Variants in DPY19L1 observed in about 807,000 individuals in gnomAD.
The protein encoded by DPY19L1 is dpy-19 like C-mannosyltransferase 1, also known as protein C-mannosyl-transferase DPY19L1.
In DPY19L1, 35 loss-of-function variants were observed where a neutral mutation model predicts 96.9. The ratio of observed to expected loss-of-function variants is 0.36; its 90% confidence interval spans 0.28 to 0.48. The LOEUF (loss-of-function observed/expected upper bound fraction) is 0.48, where lower values mean the gene tolerates loss of function less well. DPY19L1 is among the 20% of genes least tolerant of loss of function. The pLI is 0.99. For synonymous variants in DPY19L1, 205 were observed against 252.6 expected (o/e 0.81, Z 1.79); for missense variants, 521 against 777.9 (o/e 0.67, Z 3.93).
At chr7:35,010,940 T>C (rs927813239) in intron 5 of DPY19L1, among the ~76,000 whole-genome samples, 6 of 152,180 alleles carry the variant, frequency 3.9e-5, no homozygotes, top group African/African-American at 7.2e-5. Context: ...TCAGCTGCCA[T>C]AGGAAAAGCC....
intron 7 of DPY19L1, among the ~76,000 whole-genome samples, chr7:34,976,971 T>G (rs1784844182): frequency 6.6e-6 from 1 of 152,100 alleles, no homozygotes; most frequent in Non-Finnish European, 1.5e-5. Flanking sequence ...GTATTTTTAA[T>G]AGAGAAAGGG....
chr7:34,959,896 TAA>T (rs1276027845), intron 10 of DPY19L1, among the ~76,000 whole-genome samples: 2 of 27,586 alleles, frequency 7.3e-5, no homozygotes, highest in African/African-American at 2.8e-4. Context: ...TATTTGTATA[TAA>T]ATATATATAT....
chr7:34,943,864 G>A (rs112321697), intron 16 of DPY19L1, among the ~76,000 whole-genome samples: 29 of 152,016 alleles, frequency 1.9e-4, no homozygotes, highest in African/African-American at 4.3e-4. Context: ...GAAAAATTTC[G>A]GCATTGTAAA....
Position 34,954,702 on chromosome 7 carries a change from T to C in DPY19L1, c.1316A>G (p.Asp439Gly), listed in dbSNP as rs1210425114. The change falls in exon 13 of 22, where the codon GAT becomes GGT. Residue 439 changes from aspartate (D) to glycine (G), a missense_variant. Coordinates refer to ENST00000638088, the MANE Select transcript of DPY19L1 (RefSeq NM_001366673.1). ...YLTSKIFGIA[D>G]DAHIGNLLTS... ...TTAAGTAAAAAATGCACTTACGTCA[T>C]CTGCAATACCAAAAATTTTAGATGT... 3 of 1,538,852 alleles carry C rather than the reference T, an allele frequency of 1.9e-6. No homozygotes were observed. Among genetic ancestry groups the C allele is most frequent in the African/African-American group, 1.4e-5 (1 of 73,046 alleles).
chr7:34,935,076 T>A (rs1432852688), intron 21 of DPY19L1, among the ~76,000 whole-genome samples: 1 of 152,234 alleles, frequency 6.6e-6, no homozygotes, highest in Non-Finnish European at 1.5e-5. Context: ...ATGGAACACC[T>A]ATGATCATAT....
chr7:34,956,772 G>A (rs1317364246), intron 11 of DPY19L1, among the ~76,000 whole-genome samples: 1 of 152,002 alleles, frequency 6.6e-6, no homozygotes, highest in African/African-American at 2.4e-5. Flanking sequence ...CAAAGTGCTG[G>A]GATTAGAGGC....
intron 16 of DPY19L1, among the ~76,000 whole-genome samples, chr7:34,943,987 G>A (rs923787771): frequency 2.4e-4 from 36 of 152,240 alleles, no homozygotes; most frequent in African/African-American, 8.2e-4. Context: ...ATTCTCTCAG[G>A]AGTATGTGCA....
At chr7:34,966,997 T>C (rs1562809817) in intron 9 of DPY19L1, 26 bp from the exon 10 acceptor site, 3 of 1,462,386 alleles carry the variant, frequency 2.1e-6, no homozygotes, top group Non-Finnish European at 9.2e-7. Context: ...AAATTAGAAG[T>C]AAAAAAGATA....
intron 4 of DPY19L1, among the ~76,000 whole-genome samples, chr7:35,011,766 T>C (rs1785717800): frequency 1.3e-5 from 2 of 152,250 alleles, no homozygotes; most frequent in African/African-American, 2.4e-5. Flanking sequence ...CTGGGTCTAC[T>C]GGAATAGACC....
rs1311638555 is a variant in DPY19L1, at chr7:34,929,565, T to A, written c.*2008A>T. ...GAAATTACTGGGGGTGAGAAAAATA[T>A]AAAATAAATGTAAAAGTATAATTTT... is the stretch of plus-strand genomic sequence containing the variant. On this transcript the variant is annotated 3_prime_UTR_variant, in exon 22 of 22. Coordinates refer to ENST00000638088, the MANE Select transcript of DPY19L1 (RefSeq NM_001366673.1). 1 of 152,188 alleles carries A rather than the reference T, an allele frequency of 6.6e-6. No individual in the cohort carries two copies. The highest frequency in any genetic ancestry group is 2.4e-5 in the African/African-American group (1 of 41,450). 9.4% of individuals were successfully genotyped at this position (152,188 alleles called of 1,614,324 possible).
intron 7 of DPY19L1, among the ~76,000 whole-genome samples, chr7:34,982,075 G>T (rs2128670466): frequency 6.6e-6 from 1 of 152,238 alleles, no homozygotes; most frequent in East Asian, 1.9e-4. Context: ...TTAATGCCAT[G>T]AAAAAACAAA....
At position 34,938,005 on chromosome 7, in the gene DPY19L1, T is replaced by A. The variant is rs781288633; in HGVS notation, c.2079A>T (p.Val693=). 25 of 1,613,362 alleles carry A rather than the reference T, an allele frequency of 1.5e-5. No homozygotes were observed. The Admixed American group carries it at 4.0e-4, about 26-fold the overall frequency. ...NYYILEESWC[V]RRSKPGCSMP... ...GTGTTGATACTCACTTGGATCTTCT[T>A]ACACACCATGACTCTTCTAGAATGT... The change falls in exon 21 of 22, where the codon GTA becomes GTT. Residue 693 remains valine (V), a synonymous_variant. Coordinates refer to ENST00000638088, the MANE Select transcript of DPY19L1 (RefSeq NM_001366673.1).
rs1031235465 is a variant in DPY19L1 at position 34,991,032 on chromosome 7, C to T, written c.765-1091G>A. On this transcript the variant is annotated intron_variant, in intron 6 of 21. Transcript: ENST00000638088. ...CAGAAGGAGACAGGTAGGGCTGGGA[C>T]CCCAGCACAGGTGGCCTGTTTGCCT... is the stretch of plus-strand genomic sequence containing the variant. Among the ~76,000 whole-genome samples the T allele has an allele frequency of 3.4e-4, 52 of 152,178 alleles. 2 individuals carry two copies. The highest frequency in any genetic ancestry group is 1.5e-5 in the Non-Finnish European group (1 of 68,036).
At chr7:35,001,676 A>T (rs1785429456) in intron 6 of DPY19L1, among the ~76,000 whole-genome samples, 1 of 152,180 alleles carries the variant, frequency 6.6e-6, no homozygotes, top group Non-Finnish European at 1.5e-5. Flanking sequence ...CATTTATTCA[A>T]ACTATATAAA....
intron 6 of DPY19L1, among the ~76,000 whole-genome samples, chr7:35,001,214 G>T (rs561558111): frequency 6.6e-6 from 1 of 152,178 alleles, no homozygotes; most frequent in Admixed American, 6.5e-5. Context: ...GTGAAGATTG[G>T]AATCTGCAGA....
chr7:34,945,659 A>G lies in DPY19L1; in HGVS notation c.1544+8T>C, dbSNP rs1364389852. On this transcript the variant is annotated splice_region_variant and intron_variant, in intron 16 of 21. Coordinates refer to ENST00000638088, the MANE Select transcript of DPY19L1 (RefSeq NM_001366673.1). ...AGGAGGTAATAAAATTCTTAATAGCATATTTACCTTACATGTGTCTGTTGT... is the reference window on the plus strand; with the variant it reads ...AGGAGGTAATAAAATTCTTAATAGCGTATTTACCTTACATGTGTCTGTTGT... 3.2e-6 allele frequency: 5 copies of G among 1,577,206 alleles called. 1 individual carries two copies. The highest frequency in any genetic ancestry group is 1.1e-5 in the South Asian group (1 of 87,994).
At chr7:34,997,308 A>AC (rs1785308903) in intron 6 of DPY19L1, among the ~76,000 whole-genome samples, 2 of 151,540 alleles carry the variant, frequency 1.3e-5, no homozygotes, top group South Asian at 4.2e-4. Context: ...AAAAAAAAAA[A>AC]AAGGCCAGGC....
At chr7:34,970,238 A>C (rs1228312441) in intron 8 of DPY19L1, among the ~76,000 whole-genome samples, 11 of 152,344 alleles carry the variant, frequency 7.2e-5, no homozygotes, top group Non-Finnish European at 1.5e-4. Context: ...GCTCAGATAC[A>C]GTAAAGACAT....
chr7:35,011,474 T>A (rs1277215463), intron 4 of DPY19L1, 24 bp from the exon 5 acceptor site: 7 of 1,576,546 alleles, frequency 4.4e-6, no homozygotes, highest in African/African-American at 1.4e-5. Flanking sequence ...TACAGAGGCA[T>A]CTTAAGAAAA....
Sources: allele counts gnomAD v4.1 joint callset (sites outside exome capture counted in the v4.1 genomes callset), GRCh38; gene constraint gnomAD v4.1.1; transcripts MANE v1.5; gene names NCBI Gene and HGNC (gene_info 2026-07-23, HGNC 2026-07-21).